The following LRP1 variants were observed in gnomAD, a reference collection of about 807,000 sequenced individuals.
LRP1 encodes prolow-density lipoprotein receptor-related protein 1.
In LRP1, 51 loss-of-function variants were observed where a neutral mutation model predicts 541.5. That is an observed-to-expected ratio of 0.09 (90% CI 0.08 to 0.12). The LOEUF is 0.12. Among genes scored for constraint, LRP1 ranks in the 10% least tolerant of loss-of-function variants. LRP1 has a pLI of 1.00. For missense variants in LRP1, 3,878 were observed against 6,376.2 expected, an observed-to-expected ratio of 0.61 and a Z score of 13.34; for synonymous variants, 2,219 against 2,470.8, an observed-to-expected ratio of 0.90 and a Z score of 3.02.
At chr12:57,169,847 G>A (rs972983907) in intron 20 of LRP1, among the ~76,000 whole-genome samples, 11 of 152,234 alleles carry the variant, frequency 7.2e-5, no homozygotes, top group African/African-American at 1.7e-4. Context: ...CCTCGGGGGC[G>A]GTGGGGACCT....
At chr12:57,182,237 G>A (rs1482822640) in intron 34 of LRP1, among the ~76,000 whole-genome samples, 3 of 152,286 alleles carry the variant, frequency 2.0e-5, no homozygotes, top group East Asian at 3.9e-4. Flanking sequence ...TGGGCCAGGC[G>A]CAGTGGCTCA....
rs1272515270 is a variant in LRP1 at position 57,208,027 on chromosome 12, C to T, written c.11860-11C>T. 6.2e-7 allele frequency: 1 copy of T among 1,613,030 alleles called. No individual in the cohort carries two copies. The highest frequency in any genetic ancestry group is 8.5e-7 in the Non-Finnish European group (1 of 1,179,286). On this transcript the variant is annotated splice_polypyrimidine_tract_variant and intron_variant, in intron 76 of 88. Coordinates refer to ENST00000243077, the MANE Select transcript of LRP1 (RefSeq NM_002332.3). Reference sequence around the variant, plus strand: ...AAAGCAGTGGCCCCTGAACCTGTGGCTTCCATTCAGATTTCAGGGCTGAAG... The same window carrying T: ...AAAGCAGTGGCCCCTGAACCTGTGGTTTCCATTCAGATTTCAGGGCTGAAG...
chr12:57,139,895 C>T (rs984016858), intron 2 of LRP1, among the ~76,000 whole-genome samples: 3 of 152,192 alleles, frequency 2.0e-5, no homozygotes, highest in Middle Eastern at 3.2e-3. Context: ...CACACAGATA[C>T]ACTCTCACTA....
chr12:57,195,924 C>T lies in LRP1; in HGVS notation c.8622C>T (p.Arg2874=), dbSNP rs2036522596. 6.2e-7 allele frequency: 1 copy of T among 1,613,636 alleles called. No homozygotes were observed. The highest frequency in any genetic ancestry group is 8.5e-7 in the Non-Finnish European group (1 of 1,180,032). ...CCAATGGGCGCTGTCTGAGCTCCCG[C>T]CAGTGGGAGTGTGATGGCGAGAATG... The part of the protein sequence containing the change: ...RCANGRCLSS[R]QWECDGENDC... Residue 2874 remains arginine, a synonymous_variant, in exon 54 of 89, where the codon CGC becomes CGT. Transcript: ENST00000243077.
rs550665483 is a variant in LRP1, at chr12:57,203,687, G to T, written c.10951+166G>T. 1,217 of 913,944 alleles carry T rather than the reference G, an allele frequency of 1.3e-3. 1 individual carries two copies. The highest frequency in any genetic ancestry group is 1.7e-3 in the Non-Finnish European group (1,067 of 638,112). 56.6% of individuals were successfully genotyped at this position (913,944 alleles called of 1,614,324 possible). ...CACTGCCATAGGTGTTAGGGACGTA[G>T]TAGTAAACAAGACACAGGGCCCCTG... On this transcript the variant is annotated intron_variant, in intron 70 of 88. Transcript: ENST00000243077.
At chr12:57,169,512 TATC>T (rs1301923194) in intron 20 of LRP1, among the ~76,000 whole-genome samples, 1 of 152,200 alleles carries the variant, frequency 6.6e-6, no homozygotes, top group Non-Finnish European at 1.5e-5. Context: ...ACGCTGTTAA[TATC>T]ATGCGCTTTG....
chr12:57,206,498 C>T lies in LRP1; in HGVS notation c.11616C>T (p.Ile3872=), dbSNP rs1800160. ...GCTCTGAGTACCAGGTCCTGTACATCGCTGATGACAATGAGATCCGCAGCC... is the reference window on the plus strand; with the variant it reads ...GCTCTGAGTACCAGGTCCTGTACATTGCTGATGACAATGAGATCCGCAGCC... ...AEGSEYQVLY[I]ADDNEIRSLF... is the part of the protein sequence containing the mutation. Residue 3872 remains isoleucine (I), a synonymous_variant, in exon 76 of 89, where the codon ATC becomes ATT. Transcript: ENST00000243077. This position sits in a 1 kb window ranked among gnomAD's most constrained non-coding sequence, Gnocchi z 4.7. 15,863 of 1,614,106 alleles carry T rather than the reference C, an allele frequency of 9.8e-3. 103 individuals are homozygous for T. The highest frequency in any genetic ancestry group is 0.012 in the Non-Finnish European group (14,567 of 1,180,020).
rs781684759 is a variant in LRP1, at chr12:57,198,494, A to C, written c.9500A>C (p.His3167Pro). The change falls in exon 60 of 89, where the codon CAT (histidine) becomes CCT (proline). Residue 3167 changes from histidine to proline, a missense_variant. His to Pro is a moderately conservative substitution (Grantham distance 77). This residue lies in a region of LRP1 where 1,100 missense variants were observed against 1,827.4 expected (regional missense o/e 0.60). Transcript: ENST00000243077. Reference protein sequence around the residue: ...GYLYWTDWGDHSLIGRIGMDG... With the variant: ...GYLYWTDWGDPSLIGRIGMDG... ...CTGTACTGGACAGACTGGGGTGACC[A>C]TTCACTGATCGGCCGCATCGGCATG... 1.9e-6 allele frequency: 3 copies of C among 1,614,076 alleles called. No individual in the cohort carries two copies. The South Asian group carries it at 3.3e-5, about 18-fold the overall frequency.
chr12:57,171,872 G>C (rs2035949424), intron 20 of LRP1, among the ~76,000 whole-genome samples: 2 of 152,084 alleles, frequency 1.3e-5, no homozygotes, highest in Non-Finnish European at 2.9e-5. Flanking sequence ...AGCAGCCAGA[G>C]TGATCCTGAC....
chr12:57,210,553 A>G, intron 82 of LRP1, 73 bp downstream of exon 82: 3 of 1,282,922 alleles, frequency 2.3e-6, no homozygotes, highest in Non-Finnish European at 3.0e-6. Flanking sequence ...ACCCCACCTC[A>G]GGCAAATGCC....
intron 41 of LRP1, among the ~76,000 whole-genome samples, 163 bp downstream of exon 41, chr12:57,186,071 A>G (rs2036264520): frequency 6.6e-6 from 1 of 152,078 alleles, no homozygotes; most frequent in Admixed American, 6.6e-5. Flanking sequence ...CCTGATTTGG[A>G]GTCAGCGTCA....
At position 57,199,192 on chromosome 12, in the gene LRP1, C is replaced by T. The variant is rs771112909; in HGVS notation, c.9677-20C>T. The T allele has an allele frequency of 7.5e-6, 12 of 1,609,234 alleles. No individual in the cohort carries two copies. In the Admixed American group the frequency reaches 8.3e-5, roughly 11 times the overall value. On this transcript the variant is annotated intron_variant, in intron 60 of 88. Transcript: ENST00000243077. ...CGAGCTCCGGCTGACTGGCACTGTG[C>T]CTGCCCCTTGGCCCTGCAGTGCTGA...
intron 15 of LRP1, among the ~76,000 whole-genome samples, chr12:57,164,102 C>T (rs1592623061): frequency 6.6e-6 from 1 of 152,156 alleles, no homozygotes. Flanking sequence ...ACCTGGGAAG[C>T]GGAGGTTGCA....
chr12:57,130,334 G>GGTCAGGAAGC (rs1233360353), intron 1 of LRP1, among the ~76,000 whole-genome samples: 40 of 152,094 alleles, frequency 2.6e-4, no homozygotes, highest in Non-Finnish European at 1.6e-4. Context: ...ATTGGGGGAG[G>GGTCAGGAAGC]AGACTTACAG....
In LRP1 at chr12:57,204,346, T is replaced by G; in HGVS notation, c.10952-64T>G. 1 of 1,464,184 alleles carries G rather than the reference T, an allele frequency of 6.8e-7. No individual in the cohort carries two copies. Among genetic ancestry groups the G allele is most frequent in the South Asian group, 1.6e-5 (1 of 62,162 alleles). 90.7% of individuals were successfully genotyped at this position (1,464,184 alleles called of 1,614,324 possible). On this transcript the variant is annotated intron_variant, in intron 70 of 88. Coordinates refer to ENST00000243077, the MANE Select transcript of LRP1 (RefSeq NM_002332.3). This position sits in a 1 kb window ranked among gnomAD's most constrained non-coding sequence, Gnocchi z 5.3. ...CCCCTCTGAGCCTGGAACCCCCACC[T>G]GTGGAGACAGGGGTCTGGGTGGGCT...
intron 54 of LRP1, 34 bp downstream of exon 54, chr12:57,196,037 C>T: frequency 1.2e-6 from 2 of 1,611,390 alleles, no homozygotes; most frequent in South Asian, 1.1e-5. Flanking sequence ...TCTGCCCCCT[C>T]CCCAGACTGC....
intron 62 of LRP1, 44 bp downstream of exon 62, chr12:57,200,069 A>G: frequency 6.6e-7 from 1 of 1,525,402 alleles, no homozygotes; most frequent in Non-Finnish European, 8.8e-7. Flanking sequence ...CCGCTCCCCA[A>G]CCCCCAAATC....
At position 57,197,301 on chromosome 12, in the gene LRP1, G is replaced by A. The variant is rs773779455; in HGVS notation, c.9079G>A (p.Glu3027Lys). ...GAGGCAAGATCCTCTGTCTGCAGAC[G>A]AGGAACCGTTTCTGATCTTCGCCAA... ...DPHSCKAVTD[E>K]EPFLIFANRY... The change falls in exon 57 of 89, where the codon GAG becomes AAG. Residue 3027 changes from glutamate to lysine, a missense_variant and splice_region_variant. Glu to Lys is a moderately conservative substitution (Grantham distance 56, BLOSUM62 1). Coordinates refer to ENST00000243077, the MANE Select transcript of LRP1 (RefSeq NM_002332.3). This position sits in a 1 kb window ranked among gnomAD's most constrained non-coding sequence, Gnocchi z 4.5. 6 of 1,614,112 alleles carry A rather than the reference G, an allele frequency of 3.7e-6. No individual in the cohort carries two copies. The highest frequency in any genetic ancestry group is 2.2e-5 in the East Asian group (1 of 44,882).
rs1592640149 is a variant in LRP1, at chr12:57,183,566, T to G, written c.5794+56T>G. On this transcript the variant is annotated intron_variant, in intron 35 of 88. Coordinates refer to ENST00000243077, the MANE Select transcript of LRP1 (RefSeq NM_002332.3). The surrounding 1 kb of genome is among the most constrained non-coding windows in gnomAD (Gnocchi z 6.1). Reference sequence around the variant, plus strand: ...CGTGGCGTAGGAGCTTTAGGGGTGGTGTGGTGTGCCCTGAGGGTCCAGTGA... The same window carrying G: ...CGTGGCGTAGGAGCTTTAGGGGTGGGGTGGTGTGCCCTGAGGGTCCAGTGA... The G allele has an allele frequency of 1.3e-6, 2 of 1,574,392 alleles. No individual in the cohort carries two copies. Among genetic ancestry groups the G allele is most frequent in the Non-Finnish European group, 1.7e-6 (2 of 1,157,622 alleles).
Sources: gnomAD v4.1 joint callset for allele counts (sites outside exome capture counted in the v4.1 genomes callset) on GRCh38, gnomAD v4.1.1 for gene constraint, gnomAD v4.1.1 regional missense constraint, Gnocchi (gnomAD v3.1) non-coding constraint, MANE v1.5 for transcripts, NCBI Gene and HGNC (gene_info 2026-07-23, HGNC 2026-07-21) for gene names.